SERGEF: variants seen among roughly 807,000 people sequenced by gnomAD.
SERGEF encodes the protein secretion regulating guanine nucleotide exchange factor, also known as secretion-regulating guanine nucleotide exchange factor.
A neutral mutation model predicts 50.0 loss-of-function variants in SERGEF; 51 were observed. That is an observed-to-expected ratio of 1.02 (90% CI 0.81 to 1.29). The LOEUF is 1.29. SERGEF is among the 50% of genes most tolerant of loss of function. The pLI, the probability that SERGEF is intolerant of heterozygous loss-of-function variation, is 0.00. For synonymous variants in SERGEF, 205 were observed against 212.4 expected, an observed-to-expected ratio of 0.97 and a Z score of 0.30; for missense variants, 521 against 557.0, an observed-to-expected ratio of 0.94 and a Z score of 0.65.
intron 9 of SERGEF, among the ~76,000 whole-genome samples, chr11:17,954,346 G>A (rs1016861813): frequency 1.3e-5 from 2 of 152,172 alleles, no homozygotes; most frequent in Admixed American, 6.5e-5. Flanking sequence ...GCAGTCTTCC[G>A]AGGGAGCTGT....
chr11:17,976,952 T>A (rs1193948150), intron 8 of SERGEF, among the ~76,000 whole-genome samples: 3 of 152,216 alleles, frequency 2.0e-5, no homozygotes, highest in African/African-American at 7.2e-5. Context: ...CGCTGGGGCA[T>A]CAGGCATCAC....
At chr11:17,858,655 C>A (rs962093313) in intron 10 of SERGEF, among the ~76,000 whole-genome samples, 1 of 152,030 alleles carries the variant, frequency 6.6e-6, no homozygotes, top group Non-Finnish European at 1.5e-5. Context: ...GAGAGGAAAA[C>A]CTCTGTATCA....
intron 9 of SERGEF, among the ~76,000 whole-genome samples, chr11:17,926,131 C>T (rs1328466659): frequency 6.6e-6 from 1 of 152,140 alleles, no homozygotes; most frequent in African/African-American, 2.4e-5. Flanking sequence ...GTTTCAAATG[C>T]AGACAGGTCT....
intron 9 of SERGEF, among the ~76,000 whole-genome samples, chr11:17,914,422 T>A (rs1322163285): frequency 6.6e-6 from 1 of 151,924 alleles, no homozygotes; most frequent in South Asian, 2.1e-4. Flanking sequence ...TTTTTTAATT[T>A]ATTTTATTTT....
intron 10 of SERGEF, among the ~76,000 whole-genome samples, chr11:17,829,784 T>A (rs1451190931): frequency 8.5e-5 from 13 of 152,166 alleles, no homozygotes; most frequent in African/African-American, 3.1e-4. Context: ...ACCCTGATCC[T>A]CAAAAAAGCA....
chr11:17,824,023 C>T (rs536112587), intron 10 of SERGEF, among the ~76,000 whole-genome samples: 235 of 152,188 alleles, frequency 1.5e-3, no homozygotes, highest in African/African-American at 5.4e-3. Flanking sequence ...TCTTTTTGGC[C>T]GGGCGCGGTG....
chr11:17,814,979 G>A (rs947489036), intron 10 of SERGEF, among the ~76,000 whole-genome samples: 1 of 152,158 alleles, frequency 6.6e-6, no homozygotes, highest in African/African-American at 2.4e-5. Flanking sequence ...CCAGGAGTTT[G>A]AGACCAGCCT....
intron 9 of SERGEF, among the ~76,000 whole-genome samples, chr11:17,947,950 C>CTTT (rs397848456): frequency 8.2e-5 from 11 of 133,558 alleles, no homozygotes; most frequent in Non-Finnish European, 9.7e-5. Context: ...CTAATCCATT[C>CTTT]TTTTTTTTTT....
chr11:17,980,756 C>T lies in SERGEF; in HGVS notation c.844+7841G>A, dbSNP rs538558091. Among the ~76,000 whole-genome samples the T allele has an allele frequency of 7.2e-5, 11 of 152,294 alleles. No homozygotes were observed. In the East Asian group the frequency reaches 2.1e-3, roughly 29 times the overall value. The stretch of plus-strand genomic sequence containing the variant: ...ACAATTTGTTTAACCAATCTCTCTT[C>T]AATTTTATTTGTTTCCATACCTTTG... On this transcript the variant is annotated intron_variant, in intron 8 of 10. Coordinates refer to ENST00000265965, the MANE Select transcript of SERGEF (RefSeq NM_012139.4).
At chr11:17,905,594 G>T (rs756878546) in intron 9 of SERGEF, among the ~76,000 whole-genome samples, 10 of 152,190 alleles carry the variant, frequency 6.6e-5, no homozygotes, top group Non-Finnish European at 1.2e-4. Flanking sequence ...TTCTCTAATG[G>T]GTAATTTATA....
At chr11:17,993,661 A>G (rs965487937) in intron 6 of SERGEF, among the ~76,000 whole-genome samples, 3 of 152,032 alleles carry the variant, frequency 2.0e-5, no homozygotes, top group Non-Finnish European at 4.4e-5. Context: ...TTTTTTTCTG[A>G]CACTTCTTTT....
intron 9 of SERGEF, among the ~76,000 whole-genome samples, chr11:17,910,874 G>C (rs1435008403): frequency 2.0e-5 from 3 of 152,206 alleles, no homozygotes; most frequent in African/African-American, 4.8e-5. Context: ...GCTGGGGATA[G>C]AGGAGGGTGG....
rs144359600 is a variant in SERGEF, at chr11:17,900,213, T to C, written c.1012-21969A>G. On this transcript the variant is annotated intron_variant, in intron 9 of 10. Transcript: ENST00000265965. ...TCCTGGCTCTGCCTTATTTGAGCTA[T>C]GTGACCTTGGGCAAGCTGCTTAACT... 4.9e-3 allele frequency among the ~76,000 whole-genome samples: 752 copies of C among 152,306 alleles called. 5 individuals carry two copies. The highest frequency in any genetic ancestry group is 0.017 in the African/African-American group (720 of 41,576).
chr11:17,826,413 G>A (rs1421446441), intron 10 of SERGEF, among the ~76,000 whole-genome samples: 2 of 152,226 alleles, frequency 1.3e-5, no homozygotes. Context: ...CCCAGTGGGA[G>A]TTTGAAGAAC....
chr11:17,799,918 C>T (rs865945441), intron 10 of SERGEF, among the ~76,000 whole-genome samples: 1 of 152,198 alleles, frequency 6.6e-6, no homozygotes, highest in Non-Finnish European at 1.5e-5. Flanking sequence ...GCTGAGCGTC[C>T]ATCCCACAGT....
intron 10 of SERGEF, among the ~76,000 whole-genome samples, chr11:17,843,422 C>A (rs962353138): frequency 1.1e-4 from 16 of 152,156 alleles, no homozygotes; most frequent in Admixed American, 9.8e-4. Flanking sequence ...CAATCTCAAG[C>A]AACAGGTGCC....
chr11:17,924,938 C>T (rs1852223047), intron 9 of SERGEF, among the ~76,000 whole-genome samples: 1 of 152,152 alleles, frequency 6.6e-6, no homozygotes, highest in African/African-American at 2.4e-5. Flanking sequence ...AGGTCACAGT[C>T]ACCACTGATG....
At position 17,959,617 on chromosome 11, in the gene SERGEF, G is replaced by A; in HGVS notation, c.864C>T (p.Thr288=). 6.2e-7 allele frequency: 1 copy of A among 1,611,910 alleles called. No homozygotes were observed. Among genetic ancestry groups the A allele is most frequent in the Non-Finnish European group, 8.5e-7 (1 of 1,179,292 alleles). ...GCTGACCATAGTCTGCTCGGCCCCA[G>A]GTAAACATCTTGCCAGTTTCTAAAA... The part of the protein sequence containing the change: ...VAQTETGKMF[T]WGRADYGQLG... The change falls in exon 9 of 11, where the codon ACC becomes ACT. Residue 288 remains threonine, a synonymous_variant. Coordinates refer to ENST00000265965, the MANE Select transcript of SERGEF (RefSeq NM_012139.4).
At chr11:17,844,903 A>G (rs372181510) in intron 10 of SERGEF, among the ~76,000 whole-genome samples, 1 of 146,364 alleles carries the variant, frequency 6.8e-6, no homozygotes, top group Admixed American at 7.4e-5. Flanking sequence ...GAGCTTAAAA[A>G]AAAACAAAAC....
Sources: allele counts gnomAD v4.1 joint callset (sites outside exome capture counted in the v4.1 genomes callset), GRCh38; gene constraint gnomAD v4.1.1; transcripts MANE v1.5; gene names NCBI Gene and HGNC (gene_info 2026-07-23, HGNC 2026-07-21).